RTTN: variants seen among roughly 807,000 people sequenced by gnomAD.
RTTN encodes rotatin.
In RTTN, 182 loss-of-function variants were observed where a neutral mutation model predicts 269.2. The ratio of observed to expected loss-of-function variants is 0.68; its 90% CI spans 0.60 to 0.76. The LOEUF is 0.76. Among genes scored for constraint, RTTN ranks in the 30% least tolerant of loss-of-function variants. The pLI is 0.00. For missense variants in RTTN, 2,545 were observed against 2,608.6 expected (o/e 0.98, Z 0.53); for synonymous variants, 1,006 against 963.5 (o/e 1.04, Z -0.82).
intron 45 of RTTN, among the ~76,000 whole-genome samples, chr18:70,018,864 A>C (rs2056620912): frequency 1.5e-5 from 2 of 130,042 alleles, no homozygotes. Flanking sequence ...CTGCTTCTAA[A>C]GATGTTTTCA....
chr18:70,007,876 G>A (rs12964790), intron 46 of RTTN: 115,803 of 152,438 alleles, frequency 0.76, 51,282 homozygotes, highest in East Asian at 0.96. Flanking sequence ...GAAGAGAGCA[G>A]TGGACCTCCC....
intron 40 of RTTN, among the ~76,000 whole-genome samples, chr18:70,045,758 A>C (rs17082005): frequency 0.036 from 5,480 of 152,212 alleles, 344 homozygotes; most frequent in African/African-American, 0.13. Context: ...CATGTATCCA[A>C]ATTCTACTGC....
intron 28 of RTTN, among the ~76,000 whole-genome samples, chr18:70,104,080 C>T (rs1256857949): frequency 3.7e-4 from 57 of 152,308 alleles, no homozygotes; most frequent in Non-Finnish European, 1.6e-4. Context: ...TCCTGAAGAG[C>T]GTTTTCCAAC....
chr18:70,072,564 G>C (rs2058324528), intron 34 of RTTN, among the ~76,000 whole-genome samples: 1 of 151,902 alleles, frequency 6.6e-6, no homozygotes, highest in Non-Finnish European at 1.5e-5. Context: ...TTGTATTTAG[G>C]TTTTCTTGTA....
chr18:70,140,164 T>G lies in RTTN; in HGVS notation c.2606A>C (p.Lys869Thr). The G allele has an allele frequency of 6.3e-7, 1 of 1,591,522 alleles. No homozygotes were observed. Among genetic ancestry groups the G allele is most frequent in the East Asian group, 2.2e-5 (1 of 44,578 alleles). The change falls in exon 20 of 49, where the codon AAA becomes ACA. Residue 869 changes from lysine (K) to threonine (T), a missense_variant. Physicochemically the swap from Lys to Thr is moderately conservative, Grantham distance 78. Coordinates refer to ENST00000640769, the MANE Select transcript of RTTN (RefSeq NM_173630.4). ...TATTTTGTCAATTAAGCATAACTTTTTCACCACAGCATGCATTTTAATATC... is the reference window on the plus strand; with the variant it reads ...TATTTTGTCAATTAAGCATAACTTTGTCACCACAGCATGCATTTTAATATC... ...MQDIKMHAVV[K>T]KLCLIDKIIE...
intron 34 of RTTN, among the ~76,000 whole-genome samples, chr18:70,069,009 T>C (rs1289508920): frequency 1.3e-5 from 2 of 152,198 alleles, no homozygotes; most frequent in East Asian, 1.9e-4. Context: ...TGCTAGGGGA[T>C]AGGAGCTGGG....
intron 37 of RTTN, among the ~76,000 whole-genome samples, chr18:70,057,304 G>A (rs1441850237): frequency 6.6e-6 from 1 of 152,166 alleles, no homozygotes; most frequent in Non-Finnish European, 1.5e-5. Flanking sequence ...ATCTGTGAAG[G>A]AACAAGAATA....
chr18:70,031,170 T>C (rs538511497), intron 40 of RTTN, 189 bp from the exon 41 acceptor site: 57 of 550,552 alleles, frequency 1.0e-4, no homozygotes, highest in African/African-American at 9.8e-4. Context: ...AAGTTGCTTA[T>C]AATATGGAAA....
intron 34 of RTTN, among the ~76,000 whole-genome samples, chr18:70,066,751 A>G (rs1207980423): frequency 6.6e-6 from 1 of 152,204 alleles, no homozygotes; most frequent in Non-Finnish European, 1.5e-5. Flanking sequence ...GATCCTATAT[A>G]GCTCACAGTA....
rs535627802 is a variant in RTTN, at chr18:70,146,074, C to T, written c.2310-291G>A. 1.3e-3 allele frequency among the ~76,000 whole-genome samples: 205 copies of T among 152,146 alleles called. 1 individual carries two copies. The highest frequency in any genetic ancestry group is 4.6e-3 in the African/African-American group (192 of 41,522). On this transcript the variant is annotated intron_variant, in intron 17 of 48. Transcript: ENST00000640769. ...CAGTAAACTTCAATAAGTACATCTG[C>T]GAATTAAATCAATAACTCCTGTCTT...
chr18:70,141,840 C>A (rs2060265609), intron 19 of RTTN, among the ~76,000 whole-genome samples: 1 of 152,176 alleles, frequency 6.6e-6, no homozygotes, highest in South Asian at 2.1e-4. Context: ...TTACCTACCA[C>A]AAAAGTATTA....
At position 70,123,042 on chromosome 18, in the gene RTTN, A is replaced by G. The variant is rs566072818; in HGVS notation, c.3384-1342T>C. Among the ~76,000 whole-genome samples the G allele has an allele frequency of 3.3e-5, 5 of 152,292 alleles. No individual in the cohort carries two copies. In the South Asian group the frequency reaches 1.0e-3, roughly 32 times the overall value. ...TATCCCTTTGCCTGGCATTTAAAAA[A>G]AAAATTAATTTGTATAATATTTGTT... On this transcript the variant is annotated intron_variant, in intron 25 of 48. Transcript: ENST00000640769.
At chr18:70,180,513 C>T (rs1042653763) in intron 10 of RTTN, among the ~76,000 whole-genome samples, 1 of 148,604 alleles carries the variant, frequency 6.7e-6, no homozygotes, top group Non-Finnish European at 1.5e-5. Flanking sequence ...ATCCAGGAGG[C>T]GGAGGTTGCA....
intron 21 of RTTN, among the ~76,000 whole-genome samples, chr18:70,136,923 T>C (rs900125141): frequency 3.3e-5 from 5 of 152,104 alleles, no homozygotes; most frequent in Non-Finnish European, 7.4e-5. Flanking sequence ...TTTTAAAGAA[T>C]GTATACTCAC....
Position 70,127,591 on chromosome 18 carries a change from A to AT in RTTN, c.3293dup (p.Tyr1098Ter). ...TTAAAGACAATCTGTCATTCAGAAGATAAAAACTCATCCTGGTGACAGCAG... is the reference window on the plus strand; with the variant it reads ...TTAAAGACAATCTGTCATTCAGAAGATTAAAAACTCATCCTGGTGACAGCAG... ...VRAAVTRMSF[Y>*]LLNDRLSLKG... Residue 1098 changes from tyrosine (Y) to a stop codon, truncating the protein, a stop_gained and frameshift_variant, in exon 25 of 49, where the codon TAT becomes TAAT. Coordinates refer to ENST00000640769, the MANE Select transcript of RTTN (RefSeq NM_173630.4). LOFTEE classifies it high-confidence loss of function. The AT allele has an allele frequency of 6.2e-7, 1 of 1,613,570 alleles. No homozygotes were observed. Among genetic ancestry groups the AT allele is most frequent in the Non-Finnish European group, 8.5e-7 (1 of 1,179,738 alleles).
chr18:70,196,035 G>C (rs535896820), intron 7 of RTTN, among the ~76,000 whole-genome samples: 4 of 152,290 alleles, frequency 2.6e-5, no homozygotes, highest in African/African-American at 9.6e-5. Flanking sequence ...GCCATTAGGT[G>C]GCACTTTTTC....
rs531430346 is a variant in RTTN at position 70,050,787 on chromosome 18, C to T, written c.5323+624G>A. 2.6e-4 allele frequency among the ~76,000 whole-genome samples: 39 copies of T among 152,258 alleles called. 1 individual carries two copies. In the South Asian group the frequency reaches 5.4e-3, roughly 21 times the overall value. ...TGTCCTTTCAGGTACACGGATGAAG[C>T]TGGAAGCCATCATTCTCAGCAAACT... On this transcript the variant is annotated intron_variant, in intron 39 of 48. Transcript: ENST00000640769.
chr18:70,132,338 C>T (rs1235012800), intron 23 of RTTN, among the ~76,000 whole-genome samples: 1 of 151,990 alleles, frequency 6.6e-6, no homozygotes, highest in Non-Finnish European at 1.5e-5. Context: ...ACAACTACTA[C>T]ATATACATTA....
In RTTN at chr18:70,030,012, CT is replaced by C. The variant is rs756606313; in HGVS notation, c.5744del (p.Lys1915ArgfsTer9). ...LRPGKAALKK[K>X]EDGVIKELSI... is the part of the protein sequence containing the mutation. ...CCATTCATTTATCCCAGAATGTTAC[CT>C]TTTTTTTCAATGCTGCTTTCCCAGG... On this transcript the variant is annotated frameshift_variant and splice_region_variant, in exon 42 of 49. Transcript: ENST00000640769. LOFTEE classifies it high-confidence loss of function. 14 of 1,604,310 alleles carry C rather than the reference CT, an allele frequency of 8.7e-6. No homozygotes were observed. The highest frequency in any genetic ancestry group is 1.7e-5 in the Admixed American group (1 of 59,814).
Sources: allele counts gnomAD v4.1 joint callset (sites outside exome capture counted in the v4.1 genomes callset), GRCh38; gene constraint gnomAD v4.1.1; transcripts MANE v1.5; gene names NCBI Gene and HGNC (gene_info 2026-07-23, HGNC 2026-07-21).